Variants in CTNNA3 observed in about 807,000 individuals in gnomAD.
The protein encoded by CTNNA3 is catenin alpha 3.
CTNNA3 carries 76 observed loss-of-function variants against 95.7 expected under a neutral mutation model. The ratio of observed to expected loss-of-function variants is 0.79; its 90% CI spans 0.66 to 0.96. The LOEUF is 0.96. Among genes scored for constraint, CTNNA3 ranks in the 40% least tolerant of loss-of-function variants. The probability of loss-of-function intolerance (pLI) is 0.00; values close to 1 mark genes in which losing one functional copy is unlikely to be tolerated. For synonymous variants in CTNNA3, 431 were observed against 374.4 expected (o/e 1.15, Z -1.74); for missense variants, 1,191 against 1,089.8 (o/e 1.09, Z -1.31).
intron 13 of CTNNA3, among the ~76,000 whole-genome samples, chr10:66,119,908 A>T (rs1381847): frequency 0.83 from 125,482 of 152,030 alleles, 51,934 homozygotes; most frequent in South Asian, 0.92. Flanking sequence ...TCATATATTG[A>T]AAAATAAAGA....
chr10:67,247,942 A>G (rs1023668219), intron 5 of CTNNA3, among the ~76,000 whole-genome samples: 1 of 152,240 alleles, frequency 6.6e-6, no homozygotes, highest in Non-Finnish European at 1.5e-5. Context: ...TCAATGTAAT[A>G]GACATCAGAG....
At chr10:65,960,583 C>T (rs1378576350) in intron 17 of CTNNA3, among the ~76,000 whole-genome samples, 3 of 152,148 alleles carry the variant, frequency 2.0e-5, no homozygotes, top group Non-Finnish European at 2.9e-5. Context: ...GGGTATATAG[C>T]ATGATGCTGA....
intron 15 of CTNNA3, among the ~76,000 whole-genome samples, chr10:66,019,520 T>C (rs1360612039): frequency 6.6e-6 from 1 of 152,104 alleles, no homozygotes; most frequent in East Asian, 1.9e-4. Context: ...ATTTGTATAA[T>C]GGGGTTATGC....
intron 7 of CTNNA3, among the ~76,000 whole-genome samples, chr10:66,817,459 C>T (rs967764515): frequency 2.0e-5 from 3 of 151,754 alleles, no homozygotes; most frequent in Non-Finnish European, 2.9e-5. Context: ...CTCAAATTAC[C>T]AAAATCAGGA....
intron 7 of CTNNA3, among the ~76,000 whole-genome samples, chr10:67,066,425 T>C (rs147801890): frequency 0.013 from 2,001 of 151,686 alleles, 45 homozygotes; most frequent in African/African-American, 0.046. Context: ...TCTCTTGACC[T>C]CGTGATCCGC....
At position 67,195,547 on chromosome 10, in the gene CTNNA3, GC is replaced by G. The variant is rs1863320831; in HGVS notation, c.844-15028del. Among the ~76,000 whole-genome samples, 5 of 151,862 alleles carry G rather than the reference GC, an allele frequency of 3.3e-5. No homozygotes were observed. The South Asian group carries it at 1.0e-3, about 32-fold the overall frequency. On this transcript the variant is annotated intron_variant, in intron 6 of 17. Transcript: ENST00000433211. The stretch of plus-strand genomic sequence containing the variant: ...TAGGCTCCACCTCAGTGGTCTCCTT[GC>G]TAATGTTATTTTTTGCATTTAAATG...
At chr10:66,432,583 C>A (rs1268879277) in intron 11 of CTNNA3, among the ~76,000 whole-genome samples, 1 of 151,650 alleles carries the variant, frequency 6.6e-6, no homozygotes, top group Non-Finnish European at 1.5e-5. Context: ...ATGGCATGAA[C>A]CCGGGAGGTG....
intron 15 of CTNNA3, among the ~76,000 whole-genome samples, chr10:66,021,868 T>TTTTTTTTTTTTTC (rs1392457132): frequency 1.4e-5 from 2 of 144,324 alleles, no homozygotes; most frequent in African/African-American, 5.1e-5. Context: ...TTTTTTTTTT[T>TTTTTTTTTTTTTC]AGATAGATAG....
chr10:66,126,467 T>G (rs2082833870), intron 13 of CTNNA3, among the ~76,000 whole-genome samples: 1 of 152,212 alleles, frequency 6.6e-6, no homozygotes. Context: ...CTCTGTCAGC[T>G]GTCACCTAAA....
At chr10:66,734,962 C>T (rs1176578290) in intron 9 of CTNNA3, among the ~76,000 whole-genome samples, 1 of 149,970 alleles carries the variant, frequency 6.7e-6, no homozygotes, top group Non-Finnish European at 1.5e-5. Flanking sequence ...GCAAAAAGTT[C>T]TTATGAATTT....
chr10:67,330,084 T>C (rs1187300039), intron 5 of CTNNA3, among the ~76,000 whole-genome samples: 1 of 152,192 alleles, frequency 6.6e-6, no homozygotes, highest in Non-Finnish European at 1.5e-5. Context: ...CACTTATATG[T>C]CATTAATCTT....
At chr10:67,024,791 A>G (rs1853249290) in intron 7 of CTNNA3, among the ~76,000 whole-genome samples, 1 of 152,164 alleles carries the variant, frequency 6.6e-6, no homozygotes, top group South Asian at 2.1e-4. Context: ...AAATATTTTA[A>G]CTTGCTCAAA....
chr10:66,033,747 A>G (rs1367770641), intron 15 of CTNNA3, among the ~76,000 whole-genome samples: 1 of 152,146 alleles, frequency 6.6e-6, no homozygotes, highest in Non-Finnish European at 1.5e-5. Flanking sequence ...TGAAACCTTA[A>G]GGCTGGATTT....
At chr10:66,326,463 A>G (rs2092255866) in intron 12 of CTNNA3, among the ~76,000 whole-genome samples, 1 of 152,106 alleles carries the variant, frequency 6.6e-6, no homozygotes, top group Non-Finnish European at 1.5e-5. Flanking sequence ...ACTAACTCAT[A>G]TTAAATGTGT....
chr10:66,530,456 C>T (rs982907013), intron 10 of CTNNA3, among the ~76,000 whole-genome samples: 3 of 152,124 alleles, frequency 2.0e-5, no homozygotes, highest in Non-Finnish European at 4.4e-5. Context: ...TCACTTTCTA[C>T]GTAGTTTTTC....
At chr10:67,487,986 G>A (rs1463996360) in intron 5 of CTNNA3, among the ~76,000 whole-genome samples, 2 of 152,206 alleles carry the variant, frequency 1.3e-5, no homozygotes, top group Admixed American at 6.5e-5. Flanking sequence ...ACAGAAGGAG[G>A]AGAGCATCCC....
intron 7 of CTNNA3, among the ~76,000 whole-genome samples, chr10:66,806,886 T>C (rs564289267): frequency 6.6e-6 from 1 of 151,810 alleles, no homozygotes; most frequent in Non-Finnish European, 1.5e-5. Flanking sequence ...TCTTCGAGTT[T>C]ATAGATAAAC....
intron 7 of CTNNA3, among the ~76,000 whole-genome samples, chr10:67,005,687 T>TGTTTGTTTGTTTGTTTG (rs1851933520): frequency 9.8e-6 from 1 of 102,258 alleles, no homozygotes; most frequent in African/African-American, 3.1e-5. Flanking sequence ...TCCATCTTTT[T>TGTTTGTTTGTTTGTTTG]TTTTTTTTTT....
chr10:67,573,075 T>A (rs1223740575), intron 3 of CTNNA3, among the ~76,000 whole-genome samples: 1 of 152,014 alleles, frequency 6.6e-6, no homozygotes, highest in Non-Finnish European at 1.5e-5. Context: ...GGTGACAGAG[T>A]GAGACCCTGT....
Sources: allele counts gnomAD v4.1 joint callset (sites outside exome capture counted in the v4.1 genomes callset), GRCh38; gene constraint gnomAD v4.1.1; transcripts MANE v1.5; gene names NCBI Gene and HGNC (gene_info 2026-07-23, HGNC 2026-07-21).